The following CENPU variants were observed in gnomAD, a reference collection of about 807,000 sequenced individuals.
CENPU encodes centromere protein U.
In CENPU, 46 loss-of-function variants were observed where a neutral mutation model predicts 56.7. The ratio of observed to expected loss-of-function variants is 0.81; its 90% CI spans 0.64 to 1.04. CENPU has a LOEUF of 1.04. Among genes scored for constraint, CENPU ranks in the 50% least tolerant of loss-of-function variants. The pLI is 0.00. For missense variants in CENPU, 510 were observed against 490.1 expected (o/e 1.04, Z -0.38); for synonymous variants, 166 against 163.0 (o/e 1.02, Z -0.14).
At chr4:184,721,582 C>G (rs1184932409) in intron 4 of CENPU, among the ~76,000 whole-genome samples, 1 of 150,550 alleles carries the variant, frequency 6.6e-6, no homozygotes, top group Non-Finnish European at 1.5e-5. Context: ...TCAATGGAAA[C>G]CAAAAAGAGC....
At chr4:184,733,326 C>A in intron 1 of CENPU, 1 of 986,286 alleles carries the variant, frequency 1.0e-6, no homozygotes, top group Non-Finnish European at 1.2e-6. Flanking sequence ...TTCCCAGGCC[C>A]GGGGGAACTC....
At chr4:184,705,285 G>A (rs973768725) in intron 8 of CENPU, among the ~76,000 whole-genome samples, 2 of 152,168 alleles carry the variant, frequency 1.3e-5, no homozygotes, top group Admixed American at 1.3e-4. Flanking sequence ...GAATCTCCAA[G>A]GCATTATGCT....
intron 1 of CENPU, among the ~76,000 whole-genome samples, chr4:184,731,565 C>T (rs1029969815): frequency 4.6e-5 from 7 of 152,204 alleles, no homozygotes; most frequent in South Asian, 4.1e-4. Flanking sequence ...AGAATAAAAA[C>T]GGGAAATAAC....
chr4:184,728,804 A>T, intron 3 of CENPU, 114 bp downstream of exon 3: 1 of 737,442 alleles, frequency 1.4e-6, no homozygotes, highest in Non-Finnish European at 2.3e-6. Context: ...AGAACATTAT[A>T]TTTACATGCA....
chr4:184,732,511 T>C (rs1159922481), intron 1 of CENPU, among the ~76,000 whole-genome samples: 1 of 152,192 alleles, frequency 6.6e-6, no homozygotes, highest in Non-Finnish European at 1.5e-5. Context: ...ATTCAGAAAA[T>C]TTAAGTGACT....
Position 184,694,355 on chromosome 4 carries a change from T to G in CENPU, c.*933A>C. ...TTCAGTGCAGCAACGTTTGAATCAG[T>G]GCACTCATTCCCACGGTGAGATATC... On this transcript the variant is annotated 3_prime_UTR_variant, in exon 13 of 13. Coordinates refer to ENST00000281453, the MANE Select transcript of CENPU (RefSeq NM_024629.4). 1 of 1,404,044 alleles carries G rather than the reference T, an allele frequency of 7.1e-7. No homozygotes were observed. The highest frequency in any genetic ancestry group is 1.7e-5 in the South Asian group (1 of 60,096). 87.0% of individuals were successfully genotyped at this position (1,404,044 alleles called of 1,614,324 possible).
At chr4:184,704,090 T>C (rs1255004780) in intron 8 of CENPU, among the ~76,000 whole-genome samples, 2 of 151,804 alleles carry the variant, frequency 1.3e-5, no homozygotes, top group Non-Finnish European at 2.9e-5. Context: ...CTTCATCTTT[T>C]TTTTTTTTGA....
intron 8 of CENPU, among the ~76,000 whole-genome samples, chr4:184,704,300 C>T (rs1375780613): frequency 1.3e-5 from 2 of 151,960 alleles, no homozygotes; most frequent in Non-Finnish European, 2.9e-5. Flanking sequence ...CATTTTTTAT[C>T]TTTTATACTG....
At chr4:184,732,690 A>C (rs1173587883) in intron 1 of CENPU, among the ~76,000 whole-genome samples, 2 of 152,022 alleles carry the variant, frequency 1.3e-5, no homozygotes, top group African/African-American at 4.8e-5. Context: ...AGAGACAGAA[A>C]CCTCTGTGAC....
chr4:184,732,862 C>T (rs1323904010), intron 1 of CENPU, among the ~76,000 whole-genome samples: 4 of 151,906 alleles, frequency 2.6e-5, no homozygotes, highest in Non-Finnish European at 4.4e-5. Flanking sequence ...ATTAGCTGGA[C>T]GTGGGGGCGA....
Position 184,712,983 on chromosome 4 carries a change from C to A in CENPU, c.649G>T (p.Asp217Tyr). The A allele has an allele frequency of 6.3e-7, 1 of 1,590,462 alleles. No homozygotes were observed. The highest frequency in any genetic ancestry group is 8.6e-7 in the Non-Finnish European group (1 of 1,167,120). ...KTQKKGKISH[D>Y]KRKKSRSKAI... ...TTACTTCTTGATTTCTTCCTTTTGT[C>A]ATGAGATATCTTCCCTTTTTTCTGA... Residue 217 changes from aspartate (D) to tyrosine (Y), a missense_variant, in exon 7 of 13, where the codon GAC becomes TAC. Transcript: ENST00000281453.
chr4:184,704,604 C>T (rs1760661683), intron 8 of CENPU, among the ~76,000 whole-genome samples: 2 of 151,690 alleles, frequency 1.3e-5, no homozygotes, highest in South Asian at 4.1e-4. Flanking sequence ...TATGATTCCA[C>T]CTTAATAAGT....
Position 184,694,356 on chromosome 4 carries a change from G to GCACT in CENPU, c.*928_*931dup, listed in dbSNP as rs1041029508. 3.1e-5 allele frequency: 43 copies of GCACT among 1,403,870 alleles called. No individual in the cohort carries two copies. The Admixed American group carries it at 4.4e-4, about 14-fold the overall frequency. The allele number at this position is 1,403,870 out of a possible 1,614,324, so 87.0% of individuals were successfully genotyped here. ...TCAGTGCAGCAACGTTTGAATCAGT[G>GCACT]CACTCATTCCCACGGTGAGATATCG... On this transcript the variant is annotated 3_prime_UTR_variant, in exon 13 of 13. Coordinates refer to ENST00000281453, the MANE Select transcript of CENPU (RefSeq NM_024629.4).
intron 8 of CENPU, among the ~76,000 whole-genome samples, chr4:184,705,588 AAGTTGT>A (rs1760700151): frequency 6.6e-6 from 1 of 152,100 alleles, no homozygotes; most frequent in African/African-American, 2.4e-5. Flanking sequence ...TTAAAAAAAA[AAGTTGT>A]AACTTGTTAT....
intron 1 of CENPU, among the ~76,000 whole-genome samples, chr4:184,733,013 T>C (rs1374547278): frequency 1.3e-5 from 2 of 150,138 alleles, no homozygotes; most frequent in East Asian, 3.9e-4. Context: ...AAAATTCTGT[T>C]GTATGTGCGT....
rs767746829 is a variant in CENPU, at chr4:184,697,804, C to T, written c.987-1G>A. 4 of 1,590,570 alleles carry T rather than the reference C, an allele frequency of 2.5e-6. No homozygotes were observed. The African/African-American group carries it at 5.5e-5, about 22-fold the overall frequency. The stretch of plus-strand genomic sequence containing the variant: ...TAGTTGTTTCAGCTGTGGCTCTAAC[C>T]TAAAACAAAAATAAGTGACAAATAA... On this transcript the variant is annotated splice_acceptor_variant, in intron 11 of 12. Coordinates refer to ENST00000281453, the MANE Select transcript of CENPU (RefSeq NM_024629.4). LOFTEE classifies it high-confidence loss of function.
intron 7 of CENPU, among the ~76,000 whole-genome samples, chr4:184,710,667 C>CA (rs57799338): frequency 0.18 from 27,081 of 151,992 alleles, 2,700 homozygotes; most frequent in African/African-American, 0.26. Context: ...TCTTACTAGT[C>CA]TAAGATCTCA....
At chr4:184,707,057 C>T (rs1447886002) in intron 8 of CENPU, among the ~76,000 whole-genome samples, 3 of 151,186 alleles carry the variant, frequency 2.0e-5, no homozygotes, top group Non-Finnish European at 4.4e-5. Flanking sequence ...GGTGTGTTAA[C>T]AGAACTGTCC....
intron 7 of CENPU, among the ~76,000 whole-genome samples, chr4:184,711,038 G>A (rs1265483039): frequency 6.6e-6 from 1 of 151,908 alleles, no homozygotes; most frequent in Admixed American, 6.6e-5. Context: ...AAAATTTTTT[G>A]TAAAGGTGGG....
Sources: gnomAD v4.1 joint callset for allele counts (sites outside exome capture counted in the v4.1 genomes callset) on GRCh38, gnomAD v4.1.1 for gene constraint, MANE v1.5 for transcripts, NCBI Gene and HGNC (gene_info 2026-07-23, HGNC 2026-07-21) for gene names.